The following HCN1 variants were observed in gnomAD, a reference collection of about 807,000 sequenced individuals.
HCN1 encodes the protein hyperpolarization activated cyclic nucleotide gated potassium channel 1, also known as potassium/sodium hyperpolarization-activated cyclic nucleotide-gated channel 1.
Under a neutral mutation model 78.9 loss-of-function variants are expected in HCN1, and 13 were observed. That is an observed-to-expected ratio of 0.16 (90% CI 0.11 to 0.26). The LOEUF (loss-of-function observed/expected upper bound fraction) is 0.26, where lower values mean the gene tolerates loss of function less well. Ranked by LOEUF, HCN1 falls within the 10% of genes least tolerant of loss-of-function variation. The pLI, the probability that HCN1 is intolerant of heterozygous loss-of-function variation, is 1.00. For synonymous variants in HCN1, 552 were observed against 455.5 expected (o/e 1.21, Z -2.70); for missense variants, 810 against 1,154.3 (o/e 0.70, Z 4.32).
chr5:45,421,648 A>C lies in HCN1; in HGVS notation c.1012-24938T>G, dbSNP rs13356341. Among the ~76,000 whole-genome samples the C allele has an allele frequency of 4.6e-3, 698 of 152,320 alleles. 4 individuals carry two copies. Among genetic ancestry groups the C allele is most frequent in the African/African-American group, 0.015 (622 of 41,588 alleles). On this transcript the variant is annotated intron_variant, in intron 3 of 7. Transcript: ENST00000303230. ...TATATATTTTAAATCTATTTTTTAA[A>C]GTAAAGGAACTGAAATATACAGATT... is the stretch of plus-strand genomic sequence containing the variant.
At chr5:45,344,253 C>T (rs919728738) in intron 5 of HCN1, among the ~76,000 whole-genome samples, 20 of 152,050 alleles carry the variant, frequency 1.3e-4, no homozygotes, top group Non-Finnish European at 2.8e-4. Flanking sequence ...TCAATTACCT[C>T]CTACCAGGTA....
intron 5 of HCN1, among the ~76,000 whole-genome samples, chr5:45,318,858 A>T (rs1022163500): frequency 6.6e-6 from 1 of 151,962 alleles, no homozygotes; most frequent in African/African-American, 2.4e-5. Flanking sequence ...GCCTCATCTT[A>T]GTCAACCCAG....
In HCN1 at chr5:45,340,847, C is replaced by T. The variant is rs796557361; in HGVS notation, c.1377+12253G>A. 9.9e-5 allele frequency among the ~76,000 whole-genome samples: 15 copies of T among 152,204 alleles called. 2 individuals carry two copies. Among genetic ancestry groups the T allele is most frequent in the Admixed American group, 3.3e-4 (5 of 15,290 alleles). ...AGTTTTAAAATAGCCTCTCTCAGAGCGATATGAATTATAAAATTGAAGCAG... is the reference window on the plus strand; with the variant it reads ...AGTTTTAAAATAGCCTCTCTCAGAGTGATATGAATTATAAAATTGAAGCAG... On this transcript the variant is annotated intron_variant, in intron 5 of 7. Transcript: ENST00000303230.
chr5:45,547,179 A>G (rs1000473042), intron 2 of HCN1, among the ~76,000 whole-genome samples: 2 of 151,902 alleles, frequency 1.3e-5, no homozygotes, highest in Non-Finnish European at 2.9e-5. Flanking sequence ...ATCCTTCATG[A>G]TATGTCTCCA....
intron 3 of HCN1, among the ~76,000 whole-genome samples, chr5:45,445,957 T>G (rs2111582571): frequency 6.6e-6 from 1 of 152,158 alleles, no homozygotes. Flanking sequence ...GCAGAAAAAC[T>G]GGAAACTCTA....
At chr5:45,460,389 A>G (rs1216743919) in intron 3 of HCN1, among the ~76,000 whole-genome samples, 1 of 152,078 alleles carries the variant, frequency 6.6e-6, no homozygotes, top group African/African-American at 2.4e-5. Context: ...TGTACTCTCC[A>G]GGCTCCAGAG....
At chr5:45,453,902 CTTT>C (rs199528812) in intron 3 of HCN1, among the ~76,000 whole-genome samples, 1 of 151,898 alleles carries the variant, frequency 6.6e-6, no homozygotes, top group East Asian at 1.9e-4. Flanking sequence ...CAGCAAAATA[CTTT>C]TTTTTCTTCA....
At chr5:45,347,119 G>A (rs553343231) in intron 5 of HCN1, among the ~76,000 whole-genome samples, 1 of 152,228 alleles carries the variant, frequency 6.6e-6, no homozygotes, top group Non-Finnish European at 1.5e-5. Flanking sequence ...GCACCTCCCA[G>A]TAGGGGCAGA....
At chr5:45,559,310 T>C (rs1743547809) in intron 2 of HCN1, 1 of 152,130 alleles carries the variant, frequency 6.6e-6, no homozygotes, top group South Asian at 2.1e-4. Flanking sequence ...ATTTAAGAAA[T>C]ATATTTCCTA....
At chr5:45,505,320 G>A (rs1250634349) in intron 2 of HCN1, among the ~76,000 whole-genome samples, 1 of 152,074 alleles carries the variant, frequency 6.6e-6, no homozygotes, top group Non-Finnish European at 1.5e-5. Context: ...TTCTACATAT[G>A]GCTAGCCAGT....
chr5:45,429,530 G>GA (rs905254519), intron 3 of HCN1, among the ~76,000 whole-genome samples: 16 of 149,796 alleles, frequency 1.1e-4, no homozygotes, highest in Admixed American at 4.0e-4. Context: ...TGACAGATAA[G>GA]AAAAAAAAAG....
chr5:45,379,893 G>A (rs975748216), intron 4 of HCN1, among the ~76,000 whole-genome samples: 12 of 151,878 alleles, frequency 7.9e-5, no homozygotes, highest in Non-Finnish European at 8.8e-5. Context: ...GGAAAAGTTC[G>A]AGAAATGGAT....
At chr5:45,524,977 T>G (rs1001562750) in intron 2 of HCN1, among the ~76,000 whole-genome samples, 1 of 152,162 alleles carries the variant, frequency 6.6e-6, no homozygotes, top group Admixed American at 6.6e-5. Context: ...CCATTCAGTA[T>G]GATATTGGCT....
At chr5:45,488,845 T>G (rs1043653568) in intron 2 of HCN1, among the ~76,000 whole-genome samples, 40 of 152,278 alleles carry the variant, frequency 2.6e-4, no homozygotes, top group Non-Finnish European at 5.0e-4. Flanking sequence ...TACTAGGTGT[T>G]TTGACCACAA....
intron 1 of HCN1, among the ~76,000 whole-genome samples, chr5:45,675,532 A>G (rs1361584035): frequency 4.0e-5 from 6 of 151,802 alleles, no homozygotes; most frequent in Admixed American, 4.0e-4. Flanking sequence ...AAATCACACA[A>G]TTATGCCAAA....
intron 1 of HCN1, among the ~76,000 whole-genome samples, chr5:45,690,920 A>T (rs1739897968): frequency 6.6e-6 from 1 of 152,054 alleles, no homozygotes; most frequent in Non-Finnish European, 1.5e-5. Context: ...CTAAATAATG[A>T]AGTGAATTAT....
At chr5:45,453,704 TTC>T (rs1409039661) in intron 3 of HCN1, among the ~76,000 whole-genome samples, 2 of 152,236 alleles carry the variant, frequency 1.3e-5, no homozygotes, top group East Asian at 3.9e-4. Flanking sequence ...GGAATAACAA[TTC>T]TGTTTCAGAC....
At chr5:45,477,993 C>T (rs1294746002) in intron 2 of HCN1, among the ~76,000 whole-genome samples, 2 of 151,990 alleles carry the variant, frequency 1.3e-5, no homozygotes, top group South Asian at 2.1e-4. Flanking sequence ...AATAATACAT[C>T]AGTATTTCCA....
chr5:45,480,969 A>G (rs1741638465), intron 2 of HCN1, among the ~76,000 whole-genome samples: 2 of 152,220 alleles, frequency 1.3e-5, no homozygotes, highest in Non-Finnish European at 2.9e-5. Flanking sequence ...GCCCTAACCT[A>G]GTAGTTCCAT....
Sources: allele counts gnomAD v4.1 joint callset (sites outside exome capture counted in the v4.1 genomes callset), GRCh38; gene constraint gnomAD v4.1.1; transcripts MANE v1.5; gene names NCBI Gene and HGNC (gene_info 2026-07-23, HGNC 2026-07-21).